STRADB: variants seen among roughly 807,000 people sequenced by gnomAD.
The protein encoded by STRADB is STE20-related kinase adapter protein beta.
Under a neutral mutation model 52.1 loss-of-function variants are expected in STRADB, and 34 were observed. That is an observed-to-expected ratio of 0.65 (90% CI 0.50 to 0.87). The LOEUF (loss-of-function observed/expected upper bound fraction) is 0.87, where lower values mean the gene tolerates loss of function less well. Ranked by LOEUF, STRADB falls within the 40% of genes least tolerant of loss-of-function variation. The probability of loss-of-function intolerance (pLI) is 0.00; values close to 1 mark genes in which losing one functional copy is unlikely to be tolerated. For missense variants in STRADB, 340 were observed against 483.9 expected, an observed-to-expected ratio of 0.70 and a Z score of 2.79; for synonymous variants, 133 against 174.5, an observed-to-expected ratio of 0.76 and a Z score of 1.87.
chr2:201,457,851 C>A (rs1188350051), intron 2 of STRADB, among the ~76,000 whole-genome samples: 2 of 151,988 alleles, frequency 1.3e-5, no homozygotes, highest in African/African-American at 4.8e-5. Context: ...TGGTGAAATC[C>A]CATCTCTACT....
rs1952414426 is a variant in STRADB, at chr2:201,472,969, AACTTG to A, written c.213_217del (p.Leu71PhefsTer26). 13 of 1,607,174 alleles carry A rather than the reference AACTTG, an allele frequency of 8.1e-6. No individual in the cohort carries two copies. Among genetic ancestry groups the A allele is most frequent in the Non-Finnish European group, 1.1e-5 (13 of 1,177,710 alleles). On this transcript the variant is annotated frameshift_variant, in exon 5 of 12. Coordinates refer to ENST00000194530, the MANE Select transcript of STRADB (RefSeq NM_018571.6). LOFTEE classifies it high-confidence loss of function. ...TCTGATTACAGGAAGAGGATTTGAC[AACTTG>A]ACTTCTGTCCATCTTGCACGGCATA...
chr2:201,459,641 T>G (rs1375313507), intron 3 of STRADB, among the ~76,000 whole-genome samples: 1 of 152,190 alleles, frequency 6.6e-6, no homozygotes, highest in Non-Finnish European at 1.5e-5. Flanking sequence ...ACTCCTTGCC[T>G]CTAGGCTCCT....
At chr2:201,461,176 A>T (rs928720114) in intron 3 of STRADB, among the ~76,000 whole-genome samples, 2 of 151,914 alleles carry the variant, frequency 1.3e-5, no homozygotes. Context: ...GTCATCTTTT[A>T]AAAAAAATTA....
rs199596100 is a variant in STRADB at position 201,476,358 on chromosome 2, CTTTTT to C, written c.548+629_548+633del. Among the ~76,000 whole-genome samples the C allele has an allele frequency of 2.0e-3, 265 of 131,614 alleles. 2 individuals are homozygous for C. The East Asian group carries it at 0.027, about 13-fold the overall frequency. The allele number at this position is 131,614 out of a possible 152,430, so 86.3% of individuals were successfully genotyped here. On this transcript the variant is annotated intron_variant, in intron 7 of 11. Transcript: ENST00000194530. ...AATCCCCTTAAAGCTTTTTGTCTTA[CTTTTT>C]TTTTTTTTTTTTAGCAAAATTCTAG... is the stretch of plus-strand genomic sequence containing the variant.
intron 5 of STRADB, among the ~76,000 whole-genome samples, chr2:201,473,826 A>G (rs1379334777): frequency 1.3e-5 from 2 of 150,722 alleles, no homozygotes; most frequent in Non-Finnish European, 2.9e-5. Flanking sequence ...TACCATTTTT[A>G]TCGTCACTAA....
intron 4 of STRADB, 31 bp downstream of exon 4, chr2:201,470,083 CAGTGCTAGAAA>C (rs769749078): frequency 2.7e-4 from 408 of 1,492,554 alleles, no homozygotes; most frequent in Middle Eastern, 1.7e-3. Context: ...ATTGACCCTT[CAGTGCTAGAAA>C]TTAAATTGAT....
chr2:201,477,496 T>C lies in STRADB; in HGVS notation c.549-123T>C, dbSNP rs973755374. 59 of 966,820 alleles carry C rather than the reference T, an allele frequency of 6.1e-5. 1 individual carries two copies. The highest frequency in any genetic ancestry group is 3.1e-4 in the South Asian group (18 of 58,576). 59.9% of individuals were successfully genotyped at this position (966,820 alleles called of 1,614,324 possible). A position where few individuals can be genotyped will look rare whatever the true frequency, so the allele number is the denominator to read the frequency against. ...TTTTGCAGTACTGTTTTGCAGTTTA[T>C]ACTGCTGTTTTGTAAAGGGTATTTA... is the stretch of plus-strand genomic sequence containing the variant. On this transcript the variant is annotated intron_variant, in intron 7 of 11. Transcript: ENST00000194530.
chr2:201,475,487 A>G, intron 6 of STRADB, 132 bp from the exon 7 acceptor site: 3 of 974,220 alleles, frequency 3.1e-6, no homozygotes, highest in East Asian at 4.9e-5. Context: ...TTTGTGTGGG[A>G]AAGTGTTGTT....
chr2:201,452,945 GTC>G (rs1311803625), intron 1 of STRADB, among the ~76,000 whole-genome samples: 1 of 152,126 alleles, frequency 6.6e-6, no homozygotes, highest in Non-Finnish European at 1.5e-5. Context: ...CGAAATATAA[GTC>G]TCTTAAATAT....
intron 3 of STRADB, among the ~76,000 whole-genome samples, chr2:201,466,900 G>C (rs1433113290): frequency 6.6e-6 from 1 of 152,082 alleles, no homozygotes; most frequent in Non-Finnish European, 1.5e-5. Flanking sequence ...AGTCATCATA[G>C]AAAAATAGAA....
At chr2:201,472,453 C>T (rs533316078) in intron 4 of STRADB, among the ~76,000 whole-genome samples, 2 of 152,242 alleles carry the variant, frequency 1.3e-5, no homozygotes, top group South Asian at 2.1e-4. Flanking sequence ...CATACAGCAA[C>T]GTGGATGAGT....
chr2:201,458,940 T>C (rs1952170675), intron 3 of STRADB, 76 bp downstream of exon 3: 4 of 1,335,342 alleles, frequency 3.0e-6, no homozygotes, highest in Middle Eastern at 2.4e-4. Context: ...GGCAGGAGAA[T>C]CACTTGAGCC....
intron 4 of STRADB, among the ~76,000 whole-genome samples, chr2:201,471,785 C>G (rs1461229660): frequency 6.6e-6 from 1 of 152,194 alleles, no homozygotes; most frequent in Admixed American, 6.5e-5. Flanking sequence ...CACAGAGCTA[C>G]TGAACCAGGG....
At chr2:201,473,230 T>A (rs919395841) in intron 5 of STRADB, among the ~76,000 whole-genome samples, 154 bp downstream of exon 5, 5 of 152,192 alleles carry the variant, frequency 3.3e-5, no homozygotes, top group African/African-American at 1.2e-4. Context: ...ACTATTTACA[T>A]AGCATTTACA....
At chr2:201,472,304 G>A (rs925004153) in intron 4 of STRADB, among the ~76,000 whole-genome samples, 3 of 152,166 alleles carry the variant, frequency 2.0e-5, no homozygotes, top group African/African-American at 7.2e-5. Context: ...AACCTGTATA[G>A]GAATGTTTTT....
At chr2:201,469,623 G>A (rs954326566) in intron 3 of STRADB, among the ~76,000 whole-genome samples, 4 of 152,192 alleles carry the variant, frequency 2.6e-5, no homozygotes, top group African/African-American at 9.7e-5. Context: ...GGTCCCTGCA[G>A]CTCTTCGCTT....
intron 6 of STRADB, 103 bp from the exon 7 acceptor site, chr2:201,475,515 AG>A: frequency 7.2e-7 from 1 of 1,391,414 alleles, no homozygotes; most frequent in Non-Finnish European, 1.0e-6. Flanking sequence ...GACTCCAAAA[AG>A]TAACAGGTAT....
chr2:201,472,712 CA>C (rs912318363), intron 4 of STRADB: 9 of 284,896 alleles, frequency 3.2e-5, no homozygotes, highest in African/African-American at 2.0e-4. Flanking sequence ...CTATCTTGAG[CA>C]TCTTTTCATA....
intron 1 of STRADB, among the ~76,000 whole-genome samples, chr2:201,452,582 A>G (rs2125668952): frequency 6.6e-6 from 1 of 152,342 alleles, no homozygotes; most frequent in Non-Finnish European, 1.5e-5. Context: ...CGCATGAGTC[A>G]CTAAGCTTGG....
Sources: gnomAD v4.1 joint callset for allele counts (sites outside exome capture counted in the v4.1 genomes callset) on GRCh38, gnomAD v4.1.1 for gene constraint, MANE v1.5 for transcripts, NCBI Gene and HGNC (gene_info 2026-07-23, HGNC 2026-07-21) for gene names.